Variants in DGKB observed in about 807,000 individuals in gnomAD.
The protein encoded by DGKB is 90 kDa diacylglycerol kinase.
A neutral mutation model predicts 114.3 loss-of-function variants in DGKB; 67 were observed. The observed-to-expected ratio is 0.59, with a 90% CI of 0.48 to 0.72. The LOEUF is 0.72. DGKB is among the 30% of genes least tolerant of loss of function. The pLI, the probability that DGKB is intolerant of heterozygous loss-of-function variation, is 0.00. For missense variants in DGKB, 907 were observed against 975.2 expected, an observed-to-expected ratio of 0.93 and a Z score of 0.93; for synonymous variants, 398 against 323.1, an observed-to-expected ratio of 1.23 and a Z score of -2.49.
chr7:14,771,850 CT>C (rs1265552558), intron 2 of DGKB, among the ~76,000 whole-genome samples: 1 of 152,070 alleles, frequency 6.6e-6, no homozygotes, highest in East Asian at 1.9e-4. Context: ...GCCAGGCACC[CT>C]TTTAGGTCTG....
chr7:14,312,697 G>C (rs1317872488), intron 23 of DGKB, among the ~76,000 whole-genome samples: 1 of 152,170 alleles, frequency 6.6e-6, no homozygotes, highest in East Asian at 1.9e-4. Context: ...CAAAGGTACT[G>C]ATGGTAAAAT....
At chr7:14,241,203 A>G (rs1016888837) in intron 23 of DGKB, among the ~76,000 whole-genome samples, 1 of 152,176 alleles carries the variant, frequency 6.6e-6, no homozygotes, top group Admixed American at 6.5e-5. Flanking sequence ...GAATTATAAT[A>G]TATACTGTAT....
intron 23 of DGKB, among the ~76,000 whole-genome samples, chr7:14,259,292 C>T (rs908798404): frequency 6.7e-6 from 1 of 149,818 alleles, no homozygotes; most frequent in Non-Finnish European, 1.5e-5. Flanking sequence ...AAATGCAATA[C>T]TGGCAAATTA....
intron 23 of DGKB, among the ~76,000 whole-genome samples, chr7:14,330,794 T>C (rs954153804): frequency 6.6e-6 from 1 of 152,052 alleles, no homozygotes; most frequent in Non-Finnish European, 1.5e-5. Context: ...GCTACCAGTG[T>C]CTGCAGTTTC....
chr7:14,647,896 A>G (rs1813429334), intron 13 of DGKB, among the ~76,000 whole-genome samples: 1 of 152,214 alleles, frequency 6.6e-6, no homozygotes, highest in African/African-American at 2.4e-5. Context: ...CAGCACCTGG[A>G]AAATCGGGTC....
At position 14,323,026 on chromosome 7, in the gene DGKB, G is replaced by T. The variant is rs141980193; in HGVS notation, c.2122+15489C>A. ...ATAGCTGAACATGCACATACCTTATGACCCAGCAATTTTTATTACTCAATT... is the reference window on the plus strand; with the variant it reads ...ATAGCTGAACATGCACATACCTTATTACCCAGCAATTTTTATTACTCAATT... On this transcript the variant is annotated intron_variant, in intron 23 of 25. Coordinates refer to ENST00000402815, the MANE Select transcript of DGKB (RefSeq NM_001350709.2). 1.2e-4 allele frequency among the ~76,000 whole-genome samples: 19 copies of T among 152,104 alleles called. No individual in the cohort carries two copies. In the East Asian group the frequency reaches 3.5e-3, roughly 28 times the overall value.
intron 5 of DGKB, among the ~76,000 whole-genome samples, chr7:14,725,309 A>G (rs77264994): frequency 0.013 from 1,954 of 152,326 alleles, 41 homozygotes; most frequent in African/African-American, 0.045. Context: ...AGTGGCTACC[A>G]TATCAGGTTG....
At chr7:14,595,601 T>A (rs1014342853) in intron 17 of DGKB, among the ~76,000 whole-genome samples, 1 of 149,806 alleles carries the variant, frequency 6.7e-6, no homozygotes, top group Non-Finnish European at 1.5e-5. Flanking sequence ...TGTATATATA[T>A]AAATATGTAT....
intron 23 of DGKB, among the ~76,000 whole-genome samples, chr7:14,338,103 T>C (rs988271410): frequency 1.3e-5 from 2 of 152,094 alleles, no homozygotes; most frequent in African/African-American, 4.8e-5. Flanking sequence ...TTCAATCTCA[T>C]AGCCTGACCA....
At chr7:14,945,137 C>T (rs1785799706) in intron 1 of DGKB, among the ~76,000 whole-genome samples, 1 of 151,696 alleles carries the variant, frequency 6.6e-6, no homozygotes, top group South Asian at 2.1e-4. Flanking sequence ...GTATAATTCA[C>T]ATAATGGATA....
intron 23 of DGKB, among the ~76,000 whole-genome samples, chr7:14,310,036 G>T (rs899896661): frequency 6.6e-6 from 1 of 152,176 alleles, no homozygotes; most frequent in Non-Finnish European, 1.5e-5. Context: ...AAAATTTATG[G>T]CTCACATTGA....
chr7:14,291,314 T>G (rs111829618), intron 23 of DGKB, among the ~76,000 whole-genome samples: 1 of 152,122 alleles, frequency 6.6e-6, no homozygotes, highest in African/African-American at 2.4e-5. Flanking sequence ...GCAGATGCTA[T>G]TCAAAGTTAA....
intron 21 of DGKB, among the ~76,000 whole-genome samples, chr7:14,348,145 A>G (rs1373166963): frequency 1.3e-5 from 2 of 148,634 alleles, no homozygotes; most frequent in East Asian, 4.0e-4. Flanking sequence ...TTTTATAACC[A>G]CCCCCACTTC....
chr7:14,234,733 T>C (rs1003884832), intron 23 of DGKB, among the ~76,000 whole-genome samples: 1 of 152,048 alleles, frequency 6.6e-6, no homozygotes, highest in Admixed American at 6.6e-5. Context: ...TAAAATCTCA[T>C]GGAACTTAGA....
At chr7:14,941,615 T>G (rs1434400800) in intron 1 of DGKB, among the ~76,000 whole-genome samples, 1 of 152,038 alleles carries the variant, frequency 6.6e-6, no homozygotes, top group Non-Finnish European at 1.5e-5. Flanking sequence ...CTCAAACAAT[T>G]AATGAGGGTG....
At chr7:14,599,235 C>G (rs1021256994) in intron 17 of DGKB, among the ~76,000 whole-genome samples, 2 of 152,110 alleles carry the variant, frequency 1.3e-5, no homozygotes, top group African/African-American at 4.8e-5. Flanking sequence ...CAGTCCTGGG[C>G]AAATGCTAAA....
intron 2 of DGKB, among the ~76,000 whole-genome samples, chr7:14,803,067 CTT>C (rs1239335543): frequency 6.6e-6 from 1 of 151,774 alleles, no homozygotes; most frequent in Non-Finnish European, 1.5e-5. Flanking sequence ...CAATGTAGGC[CTT>C]TTGGTGTCAT....
At chr7:14,174,694 T>A (rs1781468197) in intron 25 of DGKB, among the ~76,000 whole-genome samples, 1 of 152,006 alleles carries the variant, frequency 6.6e-6, no homozygotes. Flanking sequence ...TACCACTATT[T>A]CCACCATCAC....
At chr7:14,607,035 T>C (rs1261439849) in intron 17 of DGKB, among the ~76,000 whole-genome samples, 1 of 151,930 alleles carries the variant, frequency 6.6e-6, no homozygotes, top group Non-Finnish European at 1.5e-5. Flanking sequence ...TAGGCATAAA[T>C]GGACTAACTA....
Sources: allele counts gnomAD v4.1 joint callset (sites outside exome capture counted in the v4.1 genomes callset), GRCh38; gene constraint gnomAD v4.1.1; transcripts MANE v1.5; gene names NCBI Gene and HGNC (gene_info 2026-07-23, HGNC 2026-07-21).